The following COL6A2 variants were observed in gnomAD, a reference collection of about 807,000 sequenced individuals.
The protein encoded by COL6A2 is collagen type VI alpha 2 chain.
Under a neutral mutation model 124.9 loss-of-function variants are expected in COL6A2, and 90 were observed. The ratio of observed to expected loss-of-function variants is 0.72; its 90% CI spans 0.61 to 0.86. The LOEUF (loss-of-function observed/expected upper bound fraction) is 0.86, where lower values mean the gene tolerates loss of function less well. COL6A2 is among the 40% of genes least tolerant of loss of function. The pLI is 0.00. For missense variants in COL6A2, 1,607 were observed against 1,502.5 expected (o/e 1.07, Z -1.15); for synonymous variants, 793 against 618.2 (o/e 1.28, Z -4.19).
chr21:46,124,778 C>G (rs757186607), intron 22 of COL6A2, 65 bp downstream of exon 22: 10 of 1,602,536 alleles, frequency 6.2e-6, no homozygotes, highest in Non-Finnish European at 8.5e-6. Context: ...ACCCAAGCCT[C>G]GTGGTTCTGC....
chr21:46,120,642 C>T, intron 16 of COL6A2, 65 bp downstream of exon 16: 1 of 1,393,666 alleles, frequency 7.2e-7, no homozygotes, highest in Non-Finnish European at 9.5e-7. Flanking sequence ...GGGGCTGCAC[C>T]CCAAGGTAGG....
intron 21 of COL6A2, among the ~76,000 whole-genome samples, chr21:46,123,391 CCA>C (rs898476553): frequency 6.6e-6 from 1 of 151,962 alleles, no homozygotes. Flanking sequence ...AATGTCCTCC[CCA>C]CAGTTATCCC....
intron 27 of COL6A2, chr21:46,129,937 G>A (rs1488975812): frequency 1.4e-6 from 1 of 736,758 alleles, no homozygotes; most frequent in Non-Finnish European, 1.7e-6. Flanking sequence ...CTGAGGGAGG[G>A]TGCTGCCCAG....
At chr21:46,129,104 C>T in intron 27 of COL6A2, 1 of 1,604,486 alleles carries the variant, frequency 6.2e-7, no homozygotes, top group African/African-American at 1.3e-5. Context: ...TGCCGCTCTT[C>T]ACTCTGGCCT....
chr21:46,126,323 T>G, intron 26 of COL6A2, 86 bp downstream of exon 26: 1 of 1,544,310 alleles, frequency 6.5e-7, no homozygotes, highest in Non-Finnish European at 8.9e-7. Flanking sequence ...ACCCCTCACC[T>G]GAGGGATGAA....
At chr21:46,107,662 CCA>C (rs1310496522) in intron 1 of COL6A2, among the ~76,000 whole-genome samples, 15 of 152,304 alleles carry the variant, frequency 9.8e-5, no homozygotes, top group Non-Finnish European at 2.2e-4. Context: ...ACCTTGGTCT[CCA>C]CAGTCTTTTA....
chr21:46,128,124 A>T (rs542130890), intron 27 of COL6A2, among the ~76,000 whole-genome samples: 2 of 152,324 alleles, frequency 1.3e-5, no homozygotes, highest in East Asian at 3.9e-4. Flanking sequence ...AGACGGTGAC[A>T]TGGAGTGAGC....
rs1555874945 is a variant in COL6A2, at chr21:46,123,684, A to AGTAGGTGG, written c.1671+760_1671+767dup. Among the ~76,000 whole-genome samples, 409 of 40,976 alleles carry AGTAGGTGG rather than the reference A, an allele frequency of 1.0e-2. 1 individual carries two copies. Among genetic ancestry groups the AGTAGGTGG allele is most frequent in the African/African-American group, 0.031 (378 of 12,192 alleles). The allele number at this position is 40,976 out of a possible 152,430, so 26.9% of individuals were successfully genotyped here. On this transcript the variant is annotated intron_variant, in intron 21 of 27. Coordinates refer to ENST00000300527, the MANE Select transcript of COL6A2 (RefSeq NM_001849.4). ...GGGTGAATGAGTAGATGTATGGGTGAGTAGGTGGGTAGGTGGGTAGATGGA... is the reference window on the plus strand; with the variant it reads ...GGGTGAATGAGTAGATGTATGGGTGAGTAGGTGGGTAGGTGGGTAGGTGGGTAGATGGA...
chr21:46,121,790 C>A lies in COL6A2; in HGVS notation c.1521+172C>A, dbSNP rs566692078. Among the ~76,000 whole-genome samples, 933 of 152,264 alleles carry A rather than the reference C, an allele frequency of 6.1e-3. 8 individuals are homozygous for A. Among genetic ancestry groups the A allele is most frequent in the African/African-American group, 0.022 (897 of 41,548 alleles). ...GGGATGCCTCCGGGGTCCAGGAAGC[C>A]CCCCTGGCTCTCCTCTTCAGCAGTG... On this transcript the variant is annotated intron_variant, in intron 18 of 27. Transcript: ENST00000300527.
intron 20 of COL6A2, 49 bp from the exon 21 acceptor site, chr21:46,122,819 TGTCCCTG>T: frequency 6.6e-7 from 1 of 1,521,836 alleles, no homozygotes; most frequent in East Asian, 2.2e-5. Flanking sequence ...ATCTCACTGG[TGTCCCTG>T]GTAGAGACAG....
In COL6A2 at chr21:46,132,002, T is replaced by TGCTGGACGGCTCCGAGCG; in HGVS notation, c.2516_2533dup (p.Asp839_Leu844dup). ...CAGCGGCCCGTGGACATCGTCTTCC[T>TGCTGGACGGCTCCGAGCG]GCTGGACGGCTCCGAGCGGCTGGGT... On this transcript the variant is annotated inframe_insertion, in exon 28 of 28. Transcript: ENST00000300527. The TGCTGGACGGCTCCGAGCG allele has an allele frequency of 6.2e-7, 1 of 1,610,332 alleles. No homozygotes were observed. Among genetic ancestry groups the TGCTGGACGGCTCCGAGCG allele is most frequent in the South Asian group, 1.1e-5 (1 of 91,016 alleles).
At chr21:46,117,493 G>C in intron 11 of COL6A2, 40 bp downstream of exon 11, 4 of 1,604,380 alleles carry the variant, frequency 2.5e-6, no homozygotes, top group Non-Finnish European at 3.4e-6. Context: ...CTCGGCCCAG[G>C]GGGTGTGGGT....
Position 46,122,137 on chromosome 21 carries a change from C to G in COL6A2, c.1551C>G (p.Tyr517Ter). 6.2e-7 allele frequency: 1 copy of G among 1,612,708 alleles called. No individual in the cohort carries two copies. The highest frequency in any genetic ancestry group is 8.5e-7 in the Non-Finnish European group (1 of 1,179,982). ...ACCCCGGCAGGCCTGGATTCAGCTA[C>G]CCAGGACCCCGAGGAGCACCCGTGA... is the stretch of plus-strand genomic sequence containing the variant. ...KGDPGRPGFS[Y>*]PGPRGAPGEK... is the part of the protein sequence containing the mutation. Residue 517 changes from tyrosine (Y) to a stop codon, truncating the protein, a stop_gained, in exon 19 of 28, where the codon TAC becomes TAG. Coordinates refer to ENST00000300527, the MANE Select transcript of COL6A2 (RefSeq NM_001849.4). LOFTEE classifies it high-confidence loss of function.
In COL6A2 at chr21:46,116,079, GCT is replaced by G; in HGVS notation, c.900+28_900+29del. On this transcript the variant is annotated intron_variant, in intron 7 of 27. Coordinates refer to ENST00000300527, the MANE Select transcript of COL6A2 (RefSeq NM_001849.4). This position sits in a 1 kb window ranked among gnomAD's most constrained non-coding sequence, Gnocchi z 4.6. ...GTGAGTGACCTCGGCCAGGGGCTTG[GCT>G]CCACCCTGAGGCCCCAGCACTGCCA... The G allele has an allele frequency of 6.4e-7, 1 of 1,559,120 alleles. No homozygotes were observed. The highest frequency in any genetic ancestry group is 8.7e-7 in the Non-Finnish European group (1 of 1,152,270).
Position 46,112,381 on chromosome 21 carries a change from T to G in COL6A2, c.518T>G (p.Ile173Ser). Residue 173 changes from isoleucine (I) to serine (S), a missense_variant, in exon 3 of 28, where the codon ATC becomes AGC. This residue lies in a region of COL6A2 where 342 missense variants were observed against 381.5 expected (regional missense o/e 0.90). Coordinates refer to ENST00000300527, the MANE Select transcript of COL6A2 (RefSeq NM_001849.4). The part of the protein sequence containing the change: ...GHVTGSPCGG[I>S]KLQAERAREE... Reference sequence around the variant, plus strand: ...GTCACCGGCAGCCCCTGCGGGGGCATCAAGCTGCAGGCCGAGCGGGCCCGC... The same window carrying G: ...GTCACCGGCAGCCCCTGCGGGGGCAGCAAGCTGCAGGCCGAGCGGGCCCGC... 4 of 1,608,066 alleles carry G rather than the reference T, an allele frequency of 2.5e-6. No individual in the cohort carries two copies. The highest frequency in any genetic ancestry group is 3.4e-6 in the Non-Finnish European group (4 of 1,178,460).
rs908318849 is a variant in COL6A2, at chr21:46,132,135, G to A, written c.2643G>A (p.Gln881=). The change falls in exon 28 of 28, where the codon CAG becomes CAA. Residue 881 remains glutamine, a synonymous_variant. Coordinates refer to ENST00000300527, the MANE Select transcript of COL6A2 (RefSeq NM_001849.4). ...TCAACGCACGCGTGGCGCTGCTGCA[G>A]TTTGGTGGCCCCGGCGAGCAGCAGG... ...DPLNARVALL[Q]FGGPGEQQVA... is the part of the protein sequence containing the mutation. The A allele has an allele frequency of 1.3e-6, 2 of 1,577,022 alleles. No individual in the cohort carries two copies. Among genetic ancestry groups the A allele is most frequent in the Non-Finnish European group, 1.7e-6 (2 of 1,163,742 alleles).
rs77102533 is a variant in COL6A2, at chr21:46,126,840, G to T, written c.2461+299G>T. On this transcript the variant is annotated intron_variant, in intron 27 of 27. Coordinates refer to ENST00000300527, the MANE Select transcript of COL6A2 (RefSeq NM_001849.4). ...GTCTTGAAGGCCCACCATGGGCCTT[G>T]CAGTCTCCCTCAGCTGCCGCCCAGC... 0.013 allele frequency among the ~76,000 whole-genome samples: 1,932 copies of T among 152,288 alleles called. 19 individuals are homozygous for T. The highest frequency in any genetic ancestry group is 0.021 in the Non-Finnish European group (1,418 of 68,004).
chr21:46,130,919 C>A (rs983526702), intron 27 of COL6A2, among the ~76,000 whole-genome samples: 1 of 152,216 alleles, frequency 6.6e-6, no homozygotes, highest in Non-Finnish European at 1.5e-5. Context: ...ATGTCTCAAG[C>A]GTTCTGTGAA....
At position 46,132,469 on chromosome 21, in the gene COL6A2, C is replaced by G. The variant is rs532656197; in HGVS notation, c.2977C>G (p.Arg993Gly). The G allele has an allele frequency of 6.2e-6, 10 of 1,606,156 alleles. No homozygotes were observed. Among genetic ancestry groups the G allele is most frequent in the Middle Eastern group, 1.7e-4 (1 of 6,054 alleles). The change falls in exon 28 of 28, where the codon CGC (arginine) becomes GGC (glycine). Residue 993 changes from arginine (R) to glycine (G), a missense_variant. By Grantham distance (125) the Arg-to-Gly change is moderately radical (BLOSUM62 -2). Transcript: ENST00000300527. ...DVLTTLSLGD[R>G]AAVFHEKDYD... ...GCTCACCACGCTCAGCCTGGGTGAC[C>G]GCGCCGCCGTGTTCCACGAGAAGGA...
Sources: gnomAD v4.1 joint callset for allele counts (sites outside exome capture counted in the v4.1 genomes callset) on GRCh38, gnomAD v4.1.1 for gene constraint, gnomAD v4.1.1 regional missense constraint, Gnocchi (gnomAD v3.1) non-coding constraint, MANE v1.5 for transcripts, NCBI Gene and HGNC (gene_info 2026-07-23, HGNC 2026-07-21) for gene names.